Variants in DUXA observed in about 807,000 individuals in gnomAD.
The protein encoded by DUXA is double homeobox A, also known as double homeobox protein A.
Under a neutral mutation model 27.5 loss-of-function variants are expected in DUXA, and 25 were observed. The ratio of observed to expected loss-of-function variants is 0.91; its 90% CI spans 0.66 to 1.27. DUXA has a LOEUF of 1.27. Among genes scored for constraint, DUXA ranks in the 50% most tolerant of loss-of-function variants. DUXA has a pLI of 0.00. For synonymous variants in DUXA, 90 were observed against 80.5 expected (o/e 1.12, Z -0.63); for missense variants, 247 against 242.9 (o/e 1.02, Z -0.11).
intron 1 of DUXA, among the ~76,000 whole-genome samples, chr19:57,162,798 A>T (rs1006251741): frequency 6.6e-5 from 10 of 151,550 alleles, no homozygotes; most frequent in Admixed American, 6.6e-5. Flanking sequence ...CTGGTCTCGA[A>T]CTCCTGACCT....
In DUXA at chr19:57,154,263, C is replaced by T. The variant is rs996357443; in HGVS notation, c.*149G>A. The T allele has an allele frequency of 4.4e-6, 3 of 674,392 alleles. No homozygotes were observed. In the African/African-American group the frequency reaches 5.5e-5, roughly 12 times the overall value. The allele number at this position is 674,392 out of a possible 1,614,324, so 41.8% of individuals were successfully genotyped here. A position where few individuals can be genotyped will look rare whatever the true frequency, so the allele number is the denominator to read the frequency against. On this transcript the variant is annotated 3_prime_UTR_variant, in exon 6 of 6. Transcript: ENST00000554048. ...TTGGCCTCCCAAAGTAGTGGGATTACAAGTGTGACCCACCACATCTGGCCA... is the reference window on the plus strand; with the variant it reads ...TTGGCCTCCCAAAGTAGTGGGATTATAAGTGTGACCCACCACATCTGGCCA...
rs71186231 is a variant in DUXA at position 57,165,309 on chromosome 19, GAAAAAAAAAAA to G, written c.25+2099_25+2109del. The stretch of plus-strand genomic sequence containing the variant: ...CTCAACTTCTACATTTCTGGAGTAG[GAAAAAAAAAAA>G]AAAAATATATATATATATATATATG... On this transcript the variant is annotated intron_variant, in intron 1 of 5. Transcript: ENST00000554048. Among the ~76,000 whole-genome samples the G allele has an allele frequency of 8.7e-3, 1,014 of 116,416 alleles. 21 individuals are homozygous for G. The highest frequency in any genetic ancestry group is 0.03 in the African/African-American group (942 of 31,098). 76.4% of individuals were successfully genotyped at this position (116,416 alleles called of 152,430 possible).
intron 1 of DUXA, 101 bp from the exon 2 acceptor site, chr19:57,160,898 G>A (rs2087017638): frequency 7.4e-7 from 1 of 1,356,620 alleles, no homozygotes; most frequent in Non-Finnish European, 1.0e-6. Context: ...CAAATCCACT[G>A]GAATCCACTC....
At chr19:57,155,181 G>C in intron 5 of DUXA, 86 bp downstream of exon 5, 1 of 1,242,586 alleles carries the variant, frequency 8.0e-7, no homozygotes. Context: ...CACCTCCCAG[G>C]AGGAGCTGTC....
In DUXA at chr19:57,161,394, C is replaced by T. The variant is rs1390527132; in HGVS notation, c.26-597G>A. On this transcript the variant is annotated intron_variant, in intron 1 of 5. Coordinates refer to ENST00000554048, the MANE Select transcript of DUXA (RefSeq NM_001012729.2). Reference sequence around the variant, plus strand: ...ATCCCAGCACTTTGGGAGGCCGAGGCGGGCGGATCACAAGGTCAGGAGATC... The same window carrying T: ...ATCCCAGCACTTTGGGAGGCCGAGGTGGGCGGATCACAAGGTCAGGAGATC... Among the ~76,000 whole-genome samples, 143 of 143,838 alleles carry T rather than the reference C, an allele frequency of 9.9e-4. 2 individuals carry two copies. Among genetic ancestry groups the T allele is most frequent in the Admixed American group, 1.4e-4 (2 of 14,218 alleles). 94.4% of individuals were successfully genotyped at this position (143,838 alleles called of 152,430 possible).
intron 4 of DUXA, 81 bp downstream of exon 4, chr19:57,158,247 A>G: frequency 6.6e-7 from 1 of 1,510,022 alleles, no homozygotes; most frequent in Non-Finnish European, 9.1e-7. Context: ...CATGATGAGG[A>G]ACTGCCTGAG....
chr19:57,158,460 T>C lies in DUXA; in HGVS notation c.306A>G (p.Arg102=). The change falls in exon 4 of 6, where the codon AGA becomes AGG. Residue 102 remains arginine, a synonymous_variant. Transcript: ENST00000554048. The stretch of plus-strand genomic sequence containing the variant: ...AGGCGCTGTAGGTGGTACGACACCG[T>C]CTGGCTTCTCTACCTAGGGAAGGCA... ...PGVEFQSREA[R]RCRTTYSASQ... 1 of 1,613,280 alleles carries C rather than the reference T, an allele frequency of 6.2e-7. No individual in the cohort carries two copies. The highest frequency in any genetic ancestry group is 1.1e-5 in the South Asian group (1 of 91,044).
chr19:57,160,754 T>C lies in DUXA; in HGVS notation c.69A>G (p.Thr23=), dbSNP rs1041121774. The C allele has an allele frequency of 1.2e-6, 2 of 1,614,108 alleles. No individual in the cohort carries two copies. The highest frequency in any genetic ancestry group is 2.7e-5 in the African/African-American group (2 of 74,946). The change falls in exon 2 of 6, where the codon ACA becomes ACG. Residue 23 remains threonine (T), a synonymous_variant. Coordinates refer to ENST00000554048, the MANE Select transcript of DUXA (RefSeq NM_001012729.2). Reference sequence around the variant, plus strand: ...TGATGAGGATTTTCAACTGTTCTTCTGTGAATTTTGTGCGACAGCGCCTAT... The same window carrying C: ...TGATGAGGATTTTCAACTGTTCTTCCGTGAATTTTGTGCGACAGCGCCTAT... ...TNHRRCRTKF[T]EEQLKILINT... is the part of the protein sequence containing the mutation.
Position 57,158,350 on chromosome 19 carries a change from C to G in DUXA, c.416G>C (p.Gly139Ala). ...CACTTGGACTCTTGACTCTGGAACA[C>G]CGATTTCTTTAGCAAGTTCTTCTCT... ...DSREELAKEI[G>A]VPESRVQIWF... The change falls in exon 4 of 6, where the codon GGT becomes GCT. Residue 139 changes from glycine (G) to alanine (A), a missense_variant. By Grantham distance (60) the Gly-to-Ala change is moderately conservative. Coordinates refer to ENST00000554048, the MANE Select transcript of DUXA (RefSeq NM_001012729.2). 1.2e-6 allele frequency: 2 copies of G among 1,612,150 alleles called. No individual in the cohort carries two copies. Among genetic ancestry groups the G allele is most frequent in the Non-Finnish European group, 8.5e-7 (1 of 1,179,880 alleles).
rs534002406 is a variant in DUXA, at chr19:57,163,563, A to G, written c.26-2766T>C. Among the ~76,000 whole-genome samples the G allele has an allele frequency of 9.1e-4, 138 of 151,164 alleles. 1 individual carries two copies. The highest frequency in any genetic ancestry group is 1.5e-3 in the Non-Finnish European group (103 of 67,740). On this transcript the variant is annotated intron_variant, in intron 1 of 5. Transcript: ENST00000554048. Reference sequence around the variant, plus strand: ...GGTTCAAGTGATTCCCCTGCCTCAGACTCCTGAGTAGCTGGGATTACAGGC... The same window carrying G: ...GGTTCAAGTGATTCCCCTGCCTCAGGCTCCTGAGTAGCTGGGATTACAGGC...
rs771416122 is a variant in DUXA at position 57,167,429 on chromosome 19, G to C, written c.15C>G (p.Thr5=). The change falls in exon 1 of 6, where the codon ACC becomes ACG. Residue 5 remains threonine (T), a synonymous_variant. Coordinates refer to ENST00000554048, the MANE Select transcript of DUXA (RefSeq NM_001012729.2). The stretch of plus-strand genomic sequence containing the variant: ...CACAAGGGAACTTACTGTGTGAATA[G>C]GTGTCTTCGGCCATGCTGGAAGAGA... MAED[T]YSHKMVKTNH... is the part of the protein sequence containing the mutation. 6.2e-7 allele frequency: 1 copy of C among 1,613,616 alleles called. No homozygotes were observed. The highest frequency in any genetic ancestry group is 2.2e-5 in the East Asian group (1 of 44,852).
intron 1 of DUXA, among the ~76,000 whole-genome samples, chr19:57,165,322 A>ATATATATATATATACAT (rs1484903570): frequency 1.1e-5 from 1 of 89,106 alleles, no homozygotes; most frequent in South Asian, 3.8e-4. Flanking sequence ...AAAAAAAAAA[A>ATATATATATATATACAT]AAATATATAT....
chr19:57,154,717 C>G (rs1340565009), intron 5 of DUXA, among the ~76,000 whole-genome samples: 1 of 152,064 alleles, frequency 6.6e-6, no homozygotes. Flanking sequence ...GCGCCCGCCA[C>G]CACGCTCGGC....
rs774429337 is a variant in DUXA at position 57,155,327 on chromosome 19, T to C, written c.484A>G (p.Arg162Gly). 6.8e-6 allele frequency: 11 copies of C among 1,613,714 alleles called. 1 individual carries two copies. The East Asian group carries it at 2.2e-4, about 33-fold the overall frequency. ...TGTTCTAAGGACGCCACAGGTTCCC[T>C]TTTTCTCTGGAGAAGTAATCTAGAT... The part of the protein sequence containing the change: ...RRSRLLLQRK[R>G]EPVASLEQEE... Residue 162 changes from arginine (R) to glycine (G), a missense_variant, in exon 5 of 6, where the codon AGG becomes GGG. Physicochemically the swap from Arg to Gly is moderately radical, Grantham distance 125. Transcript: ENST00000554048.
intron 1 of DUXA, among the ~76,000 whole-genome samples, chr19:57,162,996 C>T (rs1047754532): frequency 2.4e-4 from 36 of 151,760 alleles, no homozygotes; most frequent in African/African-American, 5.6e-4. Flanking sequence ...TCATCATACG[C>T]GACATTCCAT....
At chr19:57,163,481 T>C (rs989079887) in intron 1 of DUXA, among the ~76,000 whole-genome samples, 3 of 151,798 alleles carry the variant, frequency 2.0e-5, no homozygotes, top group African/African-American at 7.3e-5. Context: ...TCTCACTCTG[T>C]TCCCCAGGCT....
rs967123963 is a variant in DUXA, at chr19:57,154,472, A to G, written c.555T>C (p.Asp185=). The G allele has an allele frequency of 1.2e-6, 2 of 1,613,382 alleles. No individual in the cohort carries two copies. Among genetic ancestry groups the G allele is most frequent in the Non-Finnish European group, 1.7e-6 (2 of 1,179,444 alleles). ...KIPEGLQGAE[D]TQNGTNFTSD... ...TAGTGAAGTTGGTGCCATTTTGTGT[A>G]TCTTCTGCACCTAAGGAGGAAAAAA... is the stretch of plus-strand genomic sequence containing the variant. The change falls in exon 6 of 6, where the codon GAT becomes GAC. Residue 185 remains aspartate (D), a synonymous_variant. Transcript: ENST00000554048.
At chr19:57,159,859 T>C (rs1385289394) in intron 2 of DUXA, among the ~76,000 whole-genome samples, 1 of 150,898 alleles carries the variant, frequency 6.6e-6, no homozygotes, top group Non-Finnish European at 1.5e-5. Flanking sequence ...TCCCAGCACT[T>C]TGGGAAGCCG....
At chr19:57,166,550 T>C (rs1333173511) in intron 1 of DUXA, among the ~76,000 whole-genome samples, 2 of 152,182 alleles carry the variant, frequency 1.3e-5, no homozygotes, top group African/African-American at 2.4e-5. Context: ...CCTCGTGATC[T>C]GCCCACCGCG....
Sources: gnomAD v4.1 joint callset for allele counts (sites outside exome capture counted in the v4.1 genomes callset) on GRCh38, gnomAD v4.1.1 for gene constraint, MANE v1.5 for transcripts, NCBI Gene and HGNC (gene_info 2026-07-23, HGNC 2026-07-21) for gene names.